Variants in COL8A1 observed in about 807,000 individuals in gnomAD.
COL8A1 encodes collagen alpha-1(VIII) chain.
Under a neutral mutation model 42.7 loss-of-function variants are expected in COL8A1, and 21 were observed. The ratio of observed to expected loss-of-function variants is 0.49; its 90% CI spans 0.35 to 0.71. The LOEUF (loss-of-function observed/expected upper bound fraction) is 0.71, where lower values mean the gene tolerates loss of function less well. Among genes scored for constraint, COL8A1 ranks in the 30% least tolerant of loss-of-function variants. COL8A1 has a pLI of 0.01. For missense variants in COL8A1, 788 were observed against 962.4 expected, an observed-to-expected ratio of 0.82 and a Z score of 2.40; for synonymous variants, 367 against 369.1, an observed-to-expected ratio of 0.99 and a Z score of 0.06.
chr3:99,760,555 G>A (rs1018782088), intron 2 of COL8A1, among the ~76,000 whole-genome samples: 2 of 152,162 alleles, frequency 1.3e-5, no homozygotes, highest in Non-Finnish European at 2.9e-5. Flanking sequence ...GGACAATCTA[G>A]TCGAGAATGA....
intron 1 of COL8A1, among the ~76,000 whole-genome samples, chr3:99,721,955 A>G (rs1414728388): frequency 3.3e-5 from 5 of 152,016 alleles, no homozygotes; most frequent in Admixed American, 3.3e-4. Flanking sequence ...AAAGTTCAGC[A>G]AAAGTTTAAA....
intron 2 of COL8A1, among the ~76,000 whole-genome samples, chr3:99,755,047 A>T (rs1941228116): frequency 6.6e-6 from 1 of 152,218 alleles, no homozygotes; most frequent in South Asian, 2.1e-4. Flanking sequence ...ATGTCATTTC[A>T]AGTATTTGCA....
intron 1 of COL8A1, among the ~76,000 whole-genome samples, chr3:99,711,516 T>A (rs6805055): frequency 0.1 from 15,587 of 152,236 alleles, 947 homozygotes; most frequent in Non-Finnish European, 0.14. Context: ...GTTCCTATTC[T>A]GGTGTTGAAC....
chr3:99,733,829 ATGAT>A (rs1268451068), intron 1 of COL8A1, among the ~76,000 whole-genome samples: 1 of 151,916 alleles, frequency 6.6e-6, no homozygotes, highest in African/African-American at 2.4e-5. Context: ...TGACTTTTTA[ATGAT>A]TGCCATTCTA....
chr3:99,668,828 T>C (rs1379751983), intron 1 of COL8A1, among the ~76,000 whole-genome samples: 1 of 151,914 alleles, frequency 6.6e-6, no homozygotes, highest in African/African-American at 2.4e-5. Context: ...TAACACAGGG[T>C]GTCAGGTCTA....
intron 1 of COL8A1, among the ~76,000 whole-genome samples, chr3:99,652,875 G>A (rs1937891527): frequency 6.6e-6 from 1 of 152,126 alleles, no homozygotes. Flanking sequence ...TGTAATTTAT[G>A]CAGACAAAAT....
At chr3:99,749,392 A>G (rs1373373574) in intron 2 of COL8A1, among the ~76,000 whole-genome samples, 1 of 151,424 alleles carries the variant, frequency 6.6e-6, no homozygotes, top group Non-Finnish European at 1.5e-5. Context: ...ATGACAGTGT[A>G]AGAATATTTG....
intron 2 of COL8A1, among the ~76,000 whole-genome samples, chr3:99,779,640 C>G (rs935158502): frequency 2.0e-5 from 3 of 152,186 alleles, no homozygotes; most frequent in Admixed American, 6.6e-5. Flanking sequence ...GTAGGAGACG[C>G]GCCGCACTGA....
intron 1 of COL8A1, among the ~76,000 whole-genome samples, chr3:99,681,698 G>A (rs558090212): frequency 7.6e-4 from 116 of 152,260 alleles, no homozygotes; most frequent in Non-Finnish European, 1.3e-3. Flanking sequence ...TTCTGGTTGG[G>A]TACCCGAAAC....
At chr3:99,748,001 C>T (rs1370342656) in intron 2 of COL8A1, among the ~76,000 whole-genome samples, 1 of 152,184 alleles carries the variant, frequency 6.6e-6, no homozygotes, top group African/African-American at 2.4e-5. Flanking sequence ...TAATGCTTTA[C>T]ATGTGTATGG....
At position 99,682,666 on chromosome 3, in the gene COL8A1, A is replaced by G. The variant is rs562508283; in HGVS notation, c.-129+44002A>G. ...AGTGGTTTAGAGTTGTAGAAAGATC[A>G]TAGAACATATAAGCTCTCACCAGCT... On this transcript the variant is annotated intron_variant, in intron 1 of 3. Coordinates refer to ENST00000652472, the MANE Select transcript of COL8A1 (RefSeq NM_020351.4). 4.6e-5 allele frequency among the ~76,000 whole-genome samples: 7 copies of G among 151,872 alleles called. No homozygotes were observed. In the South Asian group the frequency reaches 6.2e-4, roughly 14 times the overall value.
intron 2 of COL8A1, among the ~76,000 whole-genome samples, chr3:99,751,810 A>G (rs1046163955): frequency 2.0e-5 from 3 of 152,214 alleles, no homozygotes; most frequent in African/African-American, 4.8e-5. Context: ...AAACAGACCA[A>G]TGATTTCAGA....
At chr3:99,653,696 T>C (rs1349437387) in intron 1 of COL8A1, among the ~76,000 whole-genome samples, 1 of 150,954 alleles carries the variant, frequency 6.6e-6, no homozygotes, top group African/African-American at 2.4e-5. Flanking sequence ...AGTTTTGTGC[T>C]GCTGTGCTCT....
Position 99,709,375 on chromosome 3 carries a change from A to T in COL8A1, c.-128-35522A>T, listed in dbSNP as rs560358548. ...TTCCATAGTCCCTGTCTAACCCTGC[A>T]TCATACTGGTAATGACCTTTTTAAT... On this transcript the variant is annotated intron_variant, in intron 1 of 3. Transcript: ENST00000652472. Among the ~76,000 whole-genome samples the T allele has an allele frequency of 2.6e-5, 4 of 152,282 alleles. No homozygotes were observed. The South Asian group carries it at 8.3e-4, about 32-fold the overall frequency.
At chr3:99,708,026 C>G (rs1939731039) in intron 1 of COL8A1, among the ~76,000 whole-genome samples, 1 of 152,162 alleles carries the variant, frequency 6.6e-6, no homozygotes, top group African/African-American at 2.4e-5. Context: ...GAGCTCCCCT[C>G]TTAGCTGTGA....
At chr3:99,777,659 A>G (rs1309306918) in intron 2 of COL8A1, among the ~76,000 whole-genome samples, 1 of 152,236 alleles carries the variant, frequency 6.6e-6, no homozygotes. Context: ...GTCTTCTGAC[A>G]ATATTTCCCA....
intron 1 of COL8A1, among the ~76,000 whole-genome samples, chr3:99,663,581 A>C (rs141505591): frequency 6.6e-6 from 1 of 152,076 alleles, no homozygotes; most frequent in Non-Finnish European, 1.5e-5. Context: ...ATGCAAGCTG[A>C]TGTCTAACTC....
chr3:99,682,119 T>C (rs995008620), intron 1 of COL8A1, among the ~76,000 whole-genome samples: 1 of 152,102 alleles, frequency 6.6e-6, no homozygotes, highest in African/African-American at 2.4e-5. Context: ...AACTGTGAAA[T>C]AACTAGAAGT....
At chr3:99,689,415 A>T (rs1939152564) in intron 1 of COL8A1, among the ~76,000 whole-genome samples, 1 of 152,180 alleles carries the variant, frequency 6.6e-6, no homozygotes, top group Non-Finnish European at 1.5e-5. Context: ...TTAACCCAGC[A>T]TTATTTCCAT....
Sources: allele counts gnomAD v4.1 joint callset (sites outside exome capture counted in the v4.1 genomes callset), GRCh38; gene constraint gnomAD v4.1.1; transcripts MANE v1.5; gene names NCBI Gene and HGNC (gene_info 2026-07-23, HGNC 2026-07-21).